The following MEF2C variants were observed in gnomAD, a reference collection of about 807,000 sequenced individuals.
MEF2C encodes myocyte-specific enhancer factor 2C.
MEF2C carries 6 observed loss-of-function variants against 50.5 expected under a neutral mutation model. The observed-to-expected ratio is 0.12, with a 90% CI of 0.07 to 0.23. The LOEUF (loss-of-function observed/expected upper bound fraction) is 0.23, where lower values mean the gene tolerates loss of function less well. MEF2C is among the 10% of genes least tolerant of loss of function. MEF2C has a pLI of 1.00. For missense variants in MEF2C, 276 were observed against 605.0 expected, an observed-to-expected ratio of 0.46 and a Z score of 5.70; for synonymous variants, 183 against 228.0, an observed-to-expected ratio of 0.80 and a Z score of 1.78.
chr5:88,861,592 G>A (rs569012677), intron 1 of MEF2C, among the ~76,000 whole-genome samples: 4 of 152,264 alleles, frequency 2.6e-5, no homozygotes, highest in African/African-American at 9.6e-5. Flanking sequence ...AGATTTATAA[G>A]TTAAAATCAC....
rs373037541 is a variant in MEF2C at position 88,882,451 on chromosome 5, A to C, written c.-143+504T>G. Among the ~76,000 whole-genome samples the C allele has an allele frequency of 9.8e-5, 15 of 152,348 alleles. No individual in the cohort carries two copies. In the South Asian group the frequency reaches 3.1e-3, roughly 32 times the overall value. On this transcript the variant is annotated intron_variant, in intron 1 of 10. Transcript: ENST00000504921. ...GAAATGCACAAAGGTATACTCTGAC[A>C]GACAGCCATGCTTTAGGTCAAACTA...
chr5:88,796,597 G>C (rs1562085949), intron 3 of MEF2C, among the ~76,000 whole-genome samples: 1 of 152,020 alleles, frequency 6.6e-6, no homozygotes, highest in Non-Finnish European at 1.5e-5. Context: ...TAGATTCACT[G>C]ATTTTTTGAA....
At chr5:88,789,771 T>C (rs1016139314) in intron 3 of MEF2C, among the ~76,000 whole-genome samples, 5 of 152,188 alleles carry the variant, frequency 3.3e-5, no homozygotes, top group South Asian at 2.1e-4. Flanking sequence ...CATTGAGACA[T>C]GACTGGATAA....
chr5:88,881,475 A>G (rs1561473169), intron 1 of MEF2C, among the ~76,000 whole-genome samples: 1 of 152,200 alleles, frequency 6.6e-6, no homozygotes. Context: ...GTACATGCTG[A>G]ATGTTTTTAA....
At chr5:88,854,252 G>A (rs1822454564) in intron 1 of MEF2C, among the ~76,000 whole-genome samples, 1 of 152,120 alleles carries the variant, frequency 6.6e-6, no homozygotes, top group Non-Finnish European at 1.5e-5. Flanking sequence ...GAGTAGTTAT[G>A]ATCAACATCC....
chr5:88,891,788 A>G (rs963787273), intron 1 of MEF2C, among the ~76,000 whole-genome samples: 2 of 152,148 alleles, frequency 1.3e-5, no homozygotes, highest in Non-Finnish European at 2.9e-5. Context: ...TAGACAAAGC[A>G]TAAGCTTTCT....
intron 3 of MEF2C, among the ~76,000 whole-genome samples, chr5:88,783,337 A>G (rs1014584810): frequency 6.6e-6 from 1 of 152,128 alleles, no homozygotes; most frequent in African/African-American, 2.4e-5. Flanking sequence ...GGATTAAGAA[A>G]CAGAGAGTTG....
intron 2 of MEF2C, among the ~76,000 whole-genome samples, chr5:88,814,825 G>T (rs188880902): frequency 6.6e-6 from 1 of 152,220 alleles, no homozygotes; most frequent in Admixed American, 6.5e-5. Context: ...TGTGACAGCT[G>T]AATTCTGATG....
intron 2 of MEF2C, among the ~76,000 whole-genome samples, chr5:88,816,872 T>C (rs972476936): frequency 1.3e-5 from 2 of 151,938 alleles, no homozygotes; most frequent in African/African-American, 4.8e-5. Flanking sequence ...TGCAGGCTTA[T>C]TTTGGATTAA....
rs571015280 is a variant in MEF2C at position 88,837,602 on chromosome 5, C to T, written c.-142-13672G>A. The stretch of plus-strand genomic sequence containing the variant: ...AGTCTCTAAGACCCCTTTCAAGTTC[C>T]TAAATGGTATGCATTCAATAAAGGA... On this transcript the variant is annotated intron_variant, in intron 1 of 10. Transcript: ENST00000504921. Among the ~76,000 whole-genome samples, 19 of 152,130 alleles carry T rather than the reference C, an allele frequency of 1.2e-4. No individual in the cohort carries two copies. The South Asian group carries it at 1.9e-3, about 15-fold the overall frequency.
chr5:88,808,708 T>G (rs2153101222), intron 2 of MEF2C, among the ~76,000 whole-genome samples: 1 of 152,280 alleles, frequency 6.6e-6, no homozygotes, highest in Admixed American at 6.5e-5. Flanking sequence ...TATAATGCTT[T>G]TTCTCATTGT....
intron 2 of MEF2C, among the ~76,000 whole-genome samples, chr5:88,815,088 T>C (rs929156467): frequency 1.3e-5 from 2 of 152,126 alleles, no homozygotes; most frequent in East Asian, 1.9e-4. Context: ...TTTCTCTGTA[T>C]CTCATCTACA....
intron 3 of MEF2C, chr5:88,771,495 T>C (rs1782411590): frequency 5.1e-6 from 5 of 985,432 alleles, no homozygotes; most frequent in Non-Finnish European, 6.0e-6. Flanking sequence ...GTCCTTGACC[T>C]CTTTTTTATA....
intron 3 of MEF2C, among the ~76,000 whole-genome samples, chr5:88,799,336 C>T (rs1046440434): frequency 6.6e-6 from 1 of 152,226 alleles, no homozygotes; most frequent in African/African-American, 2.4e-5. Context: ...TTCAGAGATG[C>T]TCTGCCCAGA....
chr5:88,769,585 T>C (rs868615763), intron 3 of MEF2C, among the ~76,000 whole-genome samples: 30 of 152,298 alleles, frequency 2.0e-4, no homozygotes, highest in Middle Eastern at 6.8e-3. Flanking sequence ...ACATTTAATA[T>C]ATAATAATTG....
intron 1 of MEF2C, among the ~76,000 whole-genome samples, chr5:88,863,036 G>A (rs1330116746): frequency 1.3e-5 from 2 of 152,132 alleles, no homozygotes; most frequent in Non-Finnish European, 1.5e-5. Context: ...TGCTTCCAGA[G>A]GGCAGACTAG....
At chr5:88,900,105 A>G (rs1366188379) in intron 1 of MEF2C, among the ~76,000 whole-genome samples, 1 of 152,084 alleles carries the variant, frequency 6.6e-6, no homozygotes, top group Non-Finnish European at 1.5e-5. Flanking sequence ...AATGTGGTAG[A>G]TTTCAACTAA....
chr5:88,859,620 G>T (rs1346857052), intron 1 of MEF2C, among the ~76,000 whole-genome samples: 1 of 152,198 alleles, frequency 6.6e-6, no homozygotes, highest in African/African-American at 2.4e-5. Flanking sequence ...TTATATAACT[G>T]CTACAACCTC....
In MEF2C at chr5:88,722,560, A is replaced by C; in HGVS notation, c.*44T>G. ...TTCCCCATTAAGGTATAGCACACAC[A>C]CACACTGCAAGAAAAAAAAAAAAAC... is the stretch of plus-strand genomic sequence containing the variant. On this transcript the variant is annotated 3_prime_UTR_variant, in exon 11 of 11. Transcript: ENST00000504921. The C allele has an allele frequency of 6.5e-7, 1 of 1,532,284 alleles. No homozygotes were observed. The highest frequency in any genetic ancestry group is 8.9e-7 in the Non-Finnish European group (1 of 1,128,578). 94.9% of individuals were successfully genotyped at this position (1,532,284 alleles called of 1,614,324 possible). A position where few individuals can be genotyped will look rare whatever the true frequency, so the allele number is the denominator to read the frequency against.
Sources: gnomAD v4.1 joint callset for allele counts (sites outside exome capture counted in the v4.1 genomes callset) on GRCh38, gnomAD v4.1.1 for gene constraint, MANE v1.5 for transcripts, NCBI Gene and HGNC (gene_info 2026-07-23, HGNC 2026-07-21) for gene names.